Variants in AHRR observed in about 807,000 individuals in gnomAD.
AHRR encodes ahR repressor.
AHRR carries 28 observed loss-of-function variants against 44.0 expected under a neutral mutation model. The observed-to-expected ratio is 0.64, with a 90% confidence interval of 0.47 to 0.87. AHRR has a LOEUF of 0.87. AHRR is among the 40% of genes least tolerant of loss of function. The pLI, the probability that AHRR is intolerant of heterozygous loss-of-function variation, is 0.00. For missense variants in AHRR, 990 were observed against 953.9 expected, an observed-to-expected ratio of 1.04 and a Z score of -0.50; for synonymous variants, 434 against 407.0, an observed-to-expected ratio of 1.07 and a Z score of -0.80.
At position 438,268 on chromosome 5, in the gene AHRR, G is replaced by T. The variant is rs936855387; in HGVS notation, c.*3434G>T. On this transcript the variant is annotated 3_prime_UTR_variant, in exon 11 of 11. Coordinates refer to ENST00000684583, the MANE Select transcript of AHRR (RefSeq NM_001377236.1). Reference sequence around the variant, plus strand: ...TTGATGTAAAATACATGACATGCTAGTACATGTTTAACAAAAATTTAAATG... The same window carrying T: ...TTGATGTAAAATACATGACATGCTATTACATGTTTAACAAAAATTTAAATG... 6.6e-6 allele frequency: 1 copy of T among 152,346 alleles called. No homozygotes were observed. Among genetic ancestry groups the T allele is most frequent in the Non-Finnish European group, 1.5e-5 (1 of 68,040 alleles). 9.4% of individuals were successfully genotyped at this position (152,346 alleles called of 1,614,324 possible). A position where few individuals can be genotyped will look rare whatever the true frequency, so the allele number is the denominator to read the frequency against.
rs1418912577 is a variant in AHRR at position 387,674 on chromosome 5, C to T, written c.351+10958C>T. 6.6e-6 allele frequency among the ~76,000 whole-genome samples: 1 copy of T among 152,198 alleles called. No homozygotes were observed. The highest frequency in any genetic ancestry group is 1.5e-5 in the Non-Finnish European group (1 of 68,032). On this transcript the variant is annotated intron_variant, in intron 4 of 10. Coordinates refer to ENST00000684583, the MANE Select transcript of AHRR (RefSeq NM_001377236.1). The surrounding 1 kb of genome is among the most constrained non-coding windows in gnomAD (Gnocchi z 5.1). ...CTTCTGACAGCAGCAGTGGTAATACCGGTAACACATAGTGGTGATGGTGGT... is the reference window on the plus strand; with the variant it reads ...CTTCTGACAGCAGCAGTGGTAATACTGGTAACACATAGTGGTGATGGTGGT...
At chr5:432,740 C>G (rs1027957954) in intron 9 of AHRR, 66 bp from the exon 10 acceptor site, 1 of 1,612,608 alleles carries the variant, frequency 6.2e-7, no homozygotes. Flanking sequence ...TGAGAACAAG[C>G]AACCGTCTTC....
chr5:426,897 G>C (rs140928513), intron 7 of AHRR, among the ~76,000 whole-genome samples: 2 of 143,474 alleles, frequency 1.4e-5, no homozygotes, highest in Non-Finnish European at 3.0e-5. Flanking sequence ...GGGTGGCTGG[G>C]TAGATGAATG....
chr5:379,698 T>C (rs1421852286), intron 4 of AHRR, among the ~76,000 whole-genome samples: 2 of 152,266 alleles, frequency 1.3e-5, no homozygotes, highest in Non-Finnish European at 2.9e-5. Flanking sequence ...GCTTGTTTAC[T>C]ATTCAGTTTA....
chr5:345,080 GTGTGTGTGTGTGT>G lies in AHRR; in HGVS notation c.62+1117_62+1129del, dbSNP rs1742573178. Among the ~76,000 whole-genome samples the G allele has an allele frequency of 4.3e-5, 2 of 46,674 alleles. 1 individual carries two copies. Among genetic ancestry groups the G allele is most frequent in the African/African-American group, 2.6e-4 (2 of 7,658 alleles). 30.6% of individuals were successfully genotyped at this position (46,674 alleles called of 152,430 possible). On this transcript the variant is annotated intron_variant, in intron 2 of 10. Coordinates refer to ENST00000684583, the MANE Select transcript of AHRR (RefSeq NM_001377236.1). ...TGGCTGTGTGTGGGGATGTGTGTGT[GTGTGTGTGTGTGT>G]GTGTCAGATGATGTCCCTGGCTGTG... is the stretch of plus-strand genomic sequence containing the variant.
intron 3 of AHRR, among the ~76,000 whole-genome samples, chr5:361,301 G>A (rs751476367): frequency 4.5e-4 from 69 of 152,226 alleles, no homozygotes; most frequent in Non-Finnish European, 8.5e-4. Flanking sequence ...TGGATAGGGA[G>A]ACTGGGTGTG....
chr5:342,747 G>C lies in AHRR; in HGVS notation c.-10-1146G>C, dbSNP rs1278744596. On this transcript the variant is annotated intron_variant, in intron 1 of 10. Coordinates refer to ENST00000684583, the MANE Select transcript of AHRR (RefSeq NM_001377236.1). The surrounding 1 kb of genome is among the most constrained non-coding windows in gnomAD (Gnocchi z 4.3). ...ACAGGTCTGCAGAACGTTTGTGAGG[G>C]CTCAGCTGCACCCATTGCAAGGAAA... Among the ~76,000 whole-genome samples, 1 of 152,226 alleles carries C rather than the reference G, an allele frequency of 6.6e-6. No individual in the cohort carries two copies. The highest frequency in any genetic ancestry group is 1.5e-5 in the Non-Finnish European group (1 of 68,048).
At chr5:372,371 C>T (rs1012476100) in intron 3 of AHRR, among the ~76,000 whole-genome samples, 1 of 152,206 alleles carries the variant, frequency 6.6e-6, no homozygotes, top group Non-Finnish European at 1.5e-5. Flanking sequence ...CCCTGTGCAC[C>T]CTGGGATGGG....
Position 413,438 on chromosome 5 carries a change from A to G in AHRR, c.441+5A>G. On this transcript the variant is annotated splice_donor_5th_base_variant and intron_variant, in intron 5 of 10. Coordinates refer to ENST00000684583, the MANE Select transcript of AHRR (RefSeq NM_001377236.1). ...GACTATCTGGGCTTCCATCAGGTAA[A>G]TGAAACCAGAATAGCCCTCCAGTCT... 2 of 1,602,798 alleles carry G rather than the reference A, an allele frequency of 1.2e-6. No homozygotes were observed. Among genetic ancestry groups the G allele is most frequent in the Middle Eastern group, 1.7e-4 (1 of 6,028 alleles).
chr5:415,194 C>T (rs957426534), intron 5 of AHRR, among the ~76,000 whole-genome samples: 1 of 152,256 alleles, frequency 6.6e-6, no homozygotes, highest in Non-Finnish European at 1.5e-5. Context: ...CAGGGGAAGC[C>T]CTACCCCTGC....
chr5:413,313 A>ATTTTTTTTTTTTTTTTTTTTTT, intron 4 of AHRR, 31 bp from the exon 5 acceptor site: 1 of 1,326,912 alleles, frequency 7.5e-7, no homozygotes, highest in Non-Finnish European at 1.0e-6. Context: ...AGCCAATTCG[A>ATTTTTTTTTTTTTTTTTTTTTT]TTTTTTTTTT....
rs556842464 is a variant in AHRR at position 345,433 on chromosome 5, C to G, written c.62+1469C>G. On this transcript the variant is annotated intron_variant, in intron 2 of 10. Transcript: ENST00000684583. ...CTGGCTGTGTGTGTGTGTGGGTGTG[C>G]GTGTGTGGGTGTGTGTGTGTGTGTG... Among the ~76,000 whole-genome samples the G allele has an allele frequency of 5.7e-4, 11 of 19,312 alleles. 2 individuals carry two copies. Among genetic ancestry groups the G allele is most frequent in the African/African-American group, 5.4e-3 (8 of 1,482 alleles). The allele number at this position is 19,312 out of a possible 152,430, so 12.7% of individuals were successfully genotyped here.
In AHRR at chr5:353,925, C is replaced by G. The variant is rs781782367; in HGVS notation, c.244+14C>G. 1 of 1,604,624 alleles carries G rather than the reference C, an allele frequency of 6.2e-7. No individual in the cohort carries two copies. The highest frequency in any genetic ancestry group is 1.7e-5 in the Admixed American group (1 of 59,370). ...GCTTCTTCCAAGGTAGGACTCTCAC[C>G]TGCTCCCACCTGTTCACTTGAGTCA... On this transcript the variant is annotated intron_variant, in intron 3 of 10. Coordinates refer to ENST00000684583, the MANE Select transcript of AHRR (RefSeq NM_001377236.1).
In AHRR at chr5:366,125, G is replaced by A. The variant is rs1743353466; in HGVS notation, c.245-10485G>A. On this transcript the variant is annotated intron_variant, in intron 3 of 10. Coordinates refer to ENST00000684583, the MANE Select transcript of AHRR (RefSeq NM_001377236.1). ...AGAGCCTCGGAACAGTGACACCCTA[G>A]CAGCAGCAATCACACCTAACATTCA... Among the ~76,000 whole-genome samples the A allele has an allele frequency of 2.0e-5, 3 of 146,864 alleles. No homozygotes were observed. The South Asian group carries it at 6.6e-4, about 33-fold the overall frequency.
chr5:412,242 T>C (rs1290675964), intron 4 of AHRR, among the ~76,000 whole-genome samples: 1 of 152,242 alleles, frequency 6.6e-6, no homozygotes, highest in Non-Finnish European at 1.5e-5. Context: ...GAAAATATTT[T>C]AAGATGCCAT....
chr5:349,421 C>CA (rs1002170527), intron 2 of AHRR, among the ~76,000 whole-genome samples: 17 of 150,890 alleles, frequency 1.1e-4, no homozygotes, highest in South Asian at 2.1e-4. Flanking sequence ...ACTAAAAATA[C>CA]AAAAAAAAAT....
intron 4 of AHRR, among the ~76,000 whole-genome samples, chr5:410,009 T>C (rs886097172): frequency 6.6e-6 from 1 of 152,208 alleles, no homozygotes; most frequent in African/African-American, 2.4e-5. Context: ...CCAGCCACGC[T>C]GTTTCAGACC....
intron 5 of AHRR, among the ~76,000 whole-genome samples, chr5:416,917 G>A (rs1165187332): frequency 1.3e-5 from 2 of 152,050 alleles, no homozygotes; most frequent in Non-Finnish European, 2.9e-5. Context: ...CCCGAGTCTA[G>A]AGAAGGCGGC....
At chr5:350,488 C>T (rs980031354) in intron 2 of AHRR, among the ~76,000 whole-genome samples, 4 of 152,330 alleles carry the variant, frequency 2.6e-5, no homozygotes, top group Non-Finnish European at 4.4e-5. Flanking sequence ...CTAGGCTTCT[C>T]GTATCCTGTC....
Sources: gnomAD v4.1 joint callset for allele counts (sites outside exome capture counted in the v4.1 genomes callset) on GRCh38, gnomAD v4.1.1 for gene constraint, Gnocchi (gnomAD v3.1) non-coding constraint, MANE v1.5 for transcripts, NCBI Gene and HGNC (gene_info 2026-07-23, HGNC 2026-07-21) for gene names.